The following DCDC1 variants were observed in gnomAD, a reference collection of about 807,000 sequenced individuals.
The protein encoded by DCDC1 is doublecortin domain containing 1, also known as doublecortin domain-containing protein 1.
DCDC1 carries 200 observed loss-of-function variants against 178.3 expected under a neutral mutation model. The ratio of observed to expected loss-of-function variants is 1.12; its 90% CI spans 1.00 to 1.26. The LOEUF is 1.26. Among genes scored for constraint, DCDC1 ranks in the 50% most tolerant of loss-of-function variants. The probability of loss-of-function intolerance (pLI) is 0.00; values close to 1 mark genes in which losing one functional copy is unlikely to be tolerated. For missense variants in DCDC1, 1,983 were observed against 1,749.2 expected, an observed-to-expected ratio of 1.13 and a Z score of -2.38; for synonymous variants, 690 against 604.8, an observed-to-expected ratio of 1.14 and a Z score of -2.07.
rs553074212 is a variant in DCDC1 at position 31,365,562 on chromosome 11, T to C, written c.-125+4135A>G. On this transcript the variant is annotated intron_variant, in intron 1 of 38. Transcript: ENST00000684477. ...ATAGATTTCCATTATTATCCATCAA[T>C]GAGAAGCACAATTGACTAGTATGAC... Among the ~76,000 whole-genome samples, 4 of 152,228 alleles carry C rather than the reference T, an allele frequency of 2.6e-5. No individual in the cohort carries two copies. In the South Asian group the frequency reaches 8.3e-4, roughly 32 times the overall value.
intron 20 of DCDC1, among the ~76,000 whole-genome samples, chr11:31,056,274 A>T (rs1276059815): frequency 6.6e-6 from 1 of 152,082 alleles, no homozygotes; most frequent in African/African-American, 2.4e-5. Flanking sequence ...GGAGACCAAA[A>T]AAGAGAGAAA....
At chr11:31,225,384 G>C (rs757311122) in intron 9 of DCDC1, among the ~76,000 whole-genome samples, 5 of 146,990 alleles carry the variant, frequency 3.4e-5, no homozygotes, top group Non-Finnish European at 7.5e-5. Context: ...AGTTGGGGGG[G>C]AGTGAAGGTT....
chr11:31,367,146 A>T (rs1952003414), intron 1 of DCDC1, among the ~76,000 whole-genome samples: 1 of 152,130 alleles, frequency 6.6e-6, no homozygotes, highest in Non-Finnish European at 1.5e-5. Context: ...AAAAAATACA[A>T]ACATTAGCCA....
intron 9 of DCDC1, among the ~76,000 whole-genome samples, chr11:31,159,385 T>C (rs1358811772): frequency 2.0e-5 from 3 of 152,174 alleles, no homozygotes; most frequent in Non-Finnish European, 4.4e-5. Context: ...GGGCAAATGC[T>C]TCCCACAACT....
At chr11:30,925,236 A>T in intron 23 of DCDC1, 73 bp downstream of exon 23, 1 of 1,304,036 alleles carries the variant, frequency 7.7e-7, no homozygotes, top group Non-Finnish European at 1.1e-6. Flanking sequence ...TTGAAGACTT[A>T]TATTTAAGGG....
rs541778332 is a variant in DCDC1 at position 30,890,161 on chromosome 11, G to A, written c.5082+2657C>T. On this transcript the variant is annotated intron_variant, in intron 36 of 38. Transcript: ENST00000684477. ...TTGGACATCCAGCCTCCAGAACTGTGAGAAAATCAACTTCTGTTGTTTCTG... is the reference window on the plus strand; with the variant it reads ...TTGGACATCCAGCCTCCAGAACTGTAAGAAAATCAACTTCTGTTGTTTCTG... Among the ~76,000 whole-genome samples the A allele has an allele frequency of 8.5e-5, 13 of 152,276 alleles. No homozygotes were observed. The East Asian group carries it at 2.3e-3, about 27-fold the overall frequency.
chr11:31,264,534 T>C (rs1279433520), intron 8 of DCDC1, among the ~76,000 whole-genome samples: 3 of 152,146 alleles, frequency 2.0e-5, no homozygotes, highest in Admixed American at 6.5e-5. Flanking sequence ...CTCCACCACT[T>C]GCTAGTTGTG....
chr11:31,023,245 GA>G (rs1953007025), intron 20 of DCDC1, among the ~76,000 whole-genome samples: 1 of 151,904 alleles, frequency 6.6e-6, no homozygotes, highest in Non-Finnish European at 1.5e-5. Flanking sequence ...TTTTCCCTCA[GA>G]AAAAATACAT....
In DCDC1 at chr11:31,153,261, C is replaced by T. The variant is rs566726387; in HGVS notation, c.1222-15477G>A. Among the ~76,000 whole-genome samples, 37 of 152,288 alleles carry T rather than the reference C, an allele frequency of 2.4e-4. No homozygotes were observed. In the South Asian group the frequency reaches 7.7e-3, roughly 32 times the overall value. On this transcript the variant is annotated intron_variant, in intron 9 of 38. Transcript: ENST00000684477. The stretch of plus-strand genomic sequence containing the variant: ...CATCTGCCTCTTCTCCCATCCCCTT[C>T]CTTACAACTCTGACTTGCCCTTACG...
intron 3 of DCDC1, among the ~76,000 whole-genome samples, chr11:31,310,535 G>T (rs886468424): frequency 6.6e-6 from 1 of 151,664 alleles, no homozygotes; most frequent in Admixed American, 6.6e-5. Flanking sequence ...TAGCCAGGAT[G>T]GTCTCAATCT....
chr11:31,157,396 T>C (rs867491961), intron 9 of DCDC1, among the ~76,000 whole-genome samples: 16 of 140,986 alleles, frequency 1.1e-4, no homozygotes, highest in African/African-American at 3.3e-4. Flanking sequence ...TACATATATA[T>C]ACACACACAC....
intron 9 of DCDC1, among the ~76,000 whole-genome samples, chr11:31,227,558 A>T (rs971889678): frequency 1.3e-5 from 2 of 152,170 alleles, no homozygotes; most frequent in African/African-American, 4.8e-5. Context: ...CCACAAAGAA[A>T]CTTATTTTAT....
At chr11:31,140,065 C>A (rs1963629596) in intron 9 of DCDC1, among the ~76,000 whole-genome samples, 2 of 152,132 alleles carry the variant, frequency 1.3e-5, no homozygotes, top group South Asian at 4.1e-4. Flanking sequence ...TAATAATATG[C>A]AGTGCTAACA....
intron 9 of DCDC1, among the ~76,000 whole-genome samples, chr11:31,196,590 A>T (rs2136394178): frequency 6.6e-6 from 1 of 152,136 alleles, no homozygotes; most frequent in South Asian, 2.1e-4. Context: ...AAAGGCTACA[A>T]CTCAGGAATA....
At chr11:31,013,320 G>T (rs1952284185) in intron 20 of DCDC1, among the ~76,000 whole-genome samples, 1 of 152,148 alleles carries the variant, frequency 6.6e-6, no homozygotes, top group African/African-American at 2.4e-5. Flanking sequence ...TATAAGTGGA[G>T]ATTTTTTAAT....
intron 1 of DCDC1, among the ~76,000 whole-genome samples, chr11:31,339,138 AGTCAGTTG>A (rs1311032180): frequency 6.6e-6 from 1 of 152,170 alleles, no homozygotes; most frequent in African/African-American, 2.4e-5. Flanking sequence ...TTCATGTTTA[AGTCAGTTG>A]GTTGCCTGAA....
Position 30,978,201 on chromosome 11 carries a change from A to G in DCDC1, c.2592-25633T>C, listed in dbSNP as rs150963766. The stretch of plus-strand genomic sequence containing the variant: ...AATTGTAGGTGACTTACCTATTCTC[A>G]CACGAATCTGAAGACTTAATGTGAC... On this transcript the variant is annotated intron_variant, in intron 20 of 38. Transcript: ENST00000684477. 5.1e-4 allele frequency among the ~76,000 whole-genome samples: 78 copies of G among 152,348 alleles called. 1 individual carries two copies. In the East Asian group the frequency reaches 0.014, roughly 26 times the overall value.
Position 30,864,412 on chromosome 11 carries a change from T to G in DCDC1, c.*961A>C, listed in dbSNP as rs905900955. The stretch of plus-strand genomic sequence containing the variant: ...CATTTGCACAATTTCGAGAAGTGTT[T>G]CTTTCCTCTGAAAAGCAGAGAGGAC... On this transcript the variant is annotated 3_prime_UTR_variant, in exon 39 of 39. Transcript: ENST00000684477. 5.9e-5 allele frequency: 9 copies of G among 152,268 alleles called. No individual in the cohort carries two copies. The highest frequency in any genetic ancestry group is 1.0e-4 in the Non-Finnish European group (7 of 68,044). 9.4% of individuals were successfully genotyped at this position (152,268 alleles called of 1,614,324 possible). A position where few individuals can be genotyped will look rare whatever the true frequency, so the allele number is the denominator to read the frequency against.
chr11:30,964,818 T>G (rs1039423368), intron 20 of DCDC1, among the ~76,000 whole-genome samples: 2 of 152,156 alleles, frequency 1.3e-5, no homozygotes, highest in African/African-American at 4.8e-5. Flanking sequence ...GAGGGGCCAA[T>G]AGGCAGAATG....
Sources: gnomAD v4.1 joint callset for allele counts (sites outside exome capture counted in the v4.1 genomes callset) on GRCh38, gnomAD v4.1.1 for gene constraint, MANE v1.5 for transcripts, NCBI Gene and HGNC (gene_info 2026-07-23, HGNC 2026-07-21) for gene names.